MNAT1: variants seen among roughly 807,000 people sequenced by gnomAD.
The protein encoded by MNAT1 is MNAT1 component of CDK activating kinase, also known as CDK-activating kinase assembly factor MAT1.
MNAT1 carries 43 observed loss-of-function variants against 42.0 expected under a neutral mutation model. The ratio of observed to expected loss-of-function variants is 1.02; its 90% CI spans 0.80 to 1.32. MNAT1 has a LOEUF of 1.32. Ranked by LOEUF, MNAT1 falls within the 40% of genes most tolerant of loss-of-function variation. MNAT1 has a pLI of 0.00. For missense variants in MNAT1, 306 were observed against 350.4 expected (o/e 0.87, Z 1.01); for synonymous variants, 118 against 120.0 (o/e 0.98, Z 0.11).
intron 7 of MNAT1, among the ~76,000 whole-genome samples, chr14:60,910,832 G>A (rs960555100): frequency 6.6e-6 from 1 of 152,176 alleles, no homozygotes; most frequent in Non-Finnish European, 1.5e-5. Flanking sequence ...GATGATGCTG[G>A]CCTCATACAA....
rs116313880 is a variant in MNAT1, at chr14:60,828,791, A to G, written c.687+9944A>G. 5.2e-3 allele frequency among the ~76,000 whole-genome samples: 793 copies of G among 152,274 alleles called. 14 individuals are homozygous for G. Among genetic ancestry groups the G allele is most frequent in the African/African-American group, 0.018 (742 of 41,556 alleles). On this transcript the variant is annotated intron_variant, in intron 6 of 7. Coordinates refer to ENST00000261245, the MANE Select transcript of MNAT1 (RefSeq NM_002431.4). ...TCCCACGATCCCTTCCTGTGGTTCAATTATTTGCTGGAGTGGCTCATGGAA... is the reference window on the plus strand; with the variant it reads ...TCCCACGATCCCTTCCTGTGGTTCAGTTATTTGCTGGAGTGGCTCATGGAA...
chr14:60,833,119 G>T (rs1488126771), intron 6 of MNAT1, among the ~76,000 whole-genome samples: 1 of 152,108 alleles, frequency 6.6e-6, no homozygotes, highest in African/African-American at 2.4e-5. Flanking sequence ...CGTGTCATCT[G>T]CAAACAGAGA....
intron 1 of MNAT1, 151 bp downstream of exon 1, chr14:60,735,102 A>T (rs1235088215): frequency 2.6e-6 from 2 of 766,050 alleles, no homozygotes; most frequent in African/African-American, 3.4e-5. Context: ...TGTGACTTTA[A>T]ATAGACTGTA....
At chr14:60,847,354 A>C in intron 6 of MNAT1, among the ~76,000 whole-genome samples, 1 of 151,358 alleles carries the variant, frequency 6.6e-6, no homozygotes, top group South Asian at 2.1e-4. Flanking sequence ...CAGTGAGCCA[A>C]GATCGCACCA....
intron 1 of MNAT1, among the ~76,000 whole-genome samples, chr14:60,751,402 G>A (rs959989343): frequency 1.3e-5 from 2 of 151,784 alleles, no homozygotes; most frequent in Admixed American, 1.3e-4. Flanking sequence ...GCTAGCTTAC[G>A]ATAAAAAGCA....
chr14:60,940,187 A>G (rs547042902), intron 7 of MNAT1, among the ~76,000 whole-genome samples: 262 of 152,140 alleles, frequency 1.7e-3, no homozygotes, highest in Middle Eastern at 0.014. Context: ...TCTTTATCCA[A>G]TTTGCCAGTC....
intron 6 of MNAT1, among the ~76,000 whole-genome samples, chr14:60,825,264 G>T (rs1157752321): frequency 3.3e-5 from 5 of 152,192 alleles, no homozygotes; most frequent in Non-Finnish European, 5.9e-5. Flanking sequence ...ATCACAGTTG[G>T]TTCAAGGGAA....
intron 1 of MNAT1, among the ~76,000 whole-genome samples, chr14:60,771,582 A>G (rs1279052859): frequency 6.6e-6 from 1 of 152,216 alleles, no homozygotes; most frequent in Admixed American, 6.5e-5. Flanking sequence ...AGTAGAAGCC[A>G]AAGTCCTTAT....
intron 6 of MNAT1, among the ~76,000 whole-genome samples, chr14:60,856,433 T>TA (rs1390630101): frequency 6.6e-6 from 1 of 152,190 alleles, no homozygotes; most frequent in Non-Finnish European, 1.5e-5. Context: ...AGTCTGAAGC[T>TA]AGCAGAAGTT....
chr14:60,925,506 G>A (rs1395887440), intron 7 of MNAT1, among the ~76,000 whole-genome samples: 1 of 152,106 alleles, frequency 6.6e-6, no homozygotes, highest in Non-Finnish European at 1.5e-5. Context: ...TTTTGGCTTA[G>A]TTTTGCCATG....
At chr14:60,912,057 T>C (rs1411675081) in intron 7 of MNAT1, among the ~76,000 whole-genome samples, 2 of 151,698 alleles carry the variant, frequency 1.3e-5, no homozygotes, top group African/African-American at 4.8e-5. Context: ...GTTGAATTGA[T>C]CCCTTTACCA....
At chr14:60,951,585 C>T (rs2139605345) in intron 7 of MNAT1, among the ~76,000 whole-genome samples, 1 of 152,026 alleles carries the variant, frequency 6.6e-6, no homozygotes, top group African/African-American at 2.4e-5. Context: ...AAAGAAAATG[C>T]CTATTCTTTT....
chr14:60,800,632 G>C (rs1003541932), intron 3 of MNAT1, among the ~76,000 whole-genome samples: 9 of 152,252 alleles, frequency 5.9e-5, no homozygotes, highest in Non-Finnish European at 1.2e-4. Context: ...TCTAGAATTT[G>C]CTCTATGTCA....
chr14:60,916,990 C>G (rs1425519903), intron 7 of MNAT1, among the ~76,000 whole-genome samples: 3 of 151,930 alleles, frequency 2.0e-5, no homozygotes, highest in African/African-American at 7.2e-5. Flanking sequence ...AAAATAAAAA[C>G]AAAAAATAAC....
intron 7 of MNAT1, among the ~76,000 whole-genome samples, chr14:60,940,258 A>T (rs1209298622): frequency 2.0e-5 from 3 of 152,112 alleles, no homozygotes; most frequent in Non-Finnish European, 4.4e-5. Flanking sequence ...GTTATGTGTG[A>T]ATTTGATCCT....
chr14:60,842,765 G>T (rs1317055452), intron 6 of MNAT1, among the ~76,000 whole-genome samples: 1 of 152,088 alleles, frequency 6.6e-6, no homozygotes, highest in Non-Finnish European at 1.5e-5. Context: ...CCCATCATAA[G>T]TTGAAAATAC....
intron 7 of MNAT1, among the ~76,000 whole-genome samples, chr14:60,937,223 T>C (rs1194397981): frequency 6.6e-6 from 1 of 152,228 alleles, no homozygotes; most frequent in African/African-American, 2.4e-5. Context: ...AGAAGCTCTT[T>C]AGTTTAATTA....
At chr14:60,858,138 A>G (rs945013933) in intron 6 of MNAT1, among the ~76,000 whole-genome samples, 1 of 152,200 alleles carries the variant, frequency 6.6e-6, no homozygotes, top group Non-Finnish European at 1.5e-5. Context: ...TAGATCCTAA[A>G]GGAATCACCA....
In MNAT1 at chr14:60,809,967, C is replaced by T. The variant is rs117963217; in HGVS notation, c.420+1539C>T. ...TTCTTTAAATGTTTGGCAGAATTCACCACTGCCGCTTTTTCTCTGTTAGGA... is the reference window on the plus strand; with the variant it reads ...TTCTTTAAATGTTTGGCAGAATTCATCACTGCCGCTTTTTCTCTGTTAGGA... On this transcript the variant is annotated intron_variant, in intron 4 of 7. Coordinates refer to ENST00000261245, the MANE Select transcript of MNAT1 (RefSeq NM_002431.4). 1.1e-3 allele frequency among the ~76,000 whole-genome samples: 168 copies of T among 152,130 alleles called. No individual in the cohort carries two copies. The East Asian group carries it at 0.023, about 21-fold the overall frequency.
Sources: gnomAD v4.1 joint callset for allele counts (sites outside exome capture counted in the v4.1 genomes callset) on GRCh38, gnomAD v4.1.1 for gene constraint, MANE v1.5 for transcripts, NCBI Gene and HGNC (gene_info 2026-07-23, HGNC 2026-07-21) for gene names.